KCNK9: variants seen among roughly 807,000 people sequenced by gnomAD.
The protein encoded by KCNK9 is potassium two pore domain channel subfamily K member 9, also known as potassium channel subfamily K member 9.
A neutral mutation model predicts 10.8 loss-of-function variants in KCNK9; 1 was observed. The observed-to-expected ratio is 0.09, with a 90% CI of 0.03 to 0.44. The LOEUF is 0.44. Ranked by LOEUF, KCNK9 falls within the 20% of genes least tolerant of loss-of-function variation. The probability of loss-of-function intolerance (pLI) is 0.97; values close to 1 mark genes in which losing one functional copy is unlikely to be tolerated. For missense variants in KCNK9, 303 were observed against 515.0 expected (o/e 0.59, Z 3.98); for synonymous variants, 231 against 222.7 (o/e 1.04, Z -0.33).
chr8:139,660,987 G>A (rs954544710), intron 1 of KCNK9, among the ~76,000 whole-genome samples: 8 of 152,122 alleles, frequency 5.3e-5, no homozygotes, highest in African/African-American at 1.9e-4. Flanking sequence ...GTACATCTTT[G>A]ACAGAAAAGC....
intron 1 of KCNK9, among the ~76,000 whole-genome samples, chr8:139,648,307 T>C (rs1287134405): frequency 6.6e-6 from 1 of 152,182 alleles, no homozygotes; most frequent in Non-Finnish European, 1.5e-5. Context: ...GGTATTACTT[T>C]GGAGCCGAAA....
At chr8:139,638,552 G>A (rs1815404158) in intron 1 of KCNK9, among the ~76,000 whole-genome samples, 2 of 152,210 alleles carry the variant, frequency 1.3e-5, no homozygotes, top group South Asian at 2.1e-4. Context: ...GGTGAGGAGA[G>A]GGGCACACGG....
intron 1 of KCNK9, among the ~76,000 whole-genome samples, chr8:139,658,775 G>A (rs1200752801): frequency 6.6e-6 from 1 of 152,258 alleles, no homozygotes; most frequent in Admixed American, 6.5e-5. Flanking sequence ...TCCAAGTGCA[G>A]GGCCAGTGTC....
At chr8:139,665,233 C>T (rs908923704) in intron 1 of KCNK9, among the ~76,000 whole-genome samples, 6 of 152,188 alleles carry the variant, frequency 3.9e-5, no homozygotes, top group African/African-American at 1.4e-4. Flanking sequence ...AGGTCACTCC[C>T]TGCTTTTTCC....
rs1057337725 is a variant in KCNK9 at position 139,688,396 on chromosome 8, C to A, written c.283+14314G>T. The stretch of plus-strand genomic sequence containing the variant: ...CTTACAATCGTGGTGGAAAGGGAAG[C>A]AGGCAACTTCTTCACAAGGTGGCAG... On this transcript the variant is annotated intron_variant, in intron 1 of 1. Transcript: ENST00000520439. Among the ~76,000 whole-genome samples, 7 of 152,200 alleles carry A rather than the reference C, an allele frequency of 4.6e-5. No homozygotes were observed. The East Asian group carries it at 1.3e-3, about 29-fold the overall frequency.
intron 2 of KCNK9, among the ~76,000 whole-genome samples, chr8:139,607,031 CAA>C (rs1814241280): frequency 6.6e-6 from 1 of 152,132 alleles, no homozygotes; most frequent in African/African-American, 2.4e-5. Flanking sequence ...GCTGAACAAA[CAA>C]ATATATAATT....
chr8:139,608,254 C>T (rs1586621713), downstream of KCNK9, among the ~76,000 whole-genome samples: 1 of 152,300 alleles, frequency 6.6e-6, no homozygotes, highest in East Asian at 1.9e-4. Context: ...TCCAGATTCC[C>T]TGCCAACCTG....
intron 1 of KCNK9, among the ~76,000 whole-genome samples, chr8:139,623,624 G>A (rs1426349464): frequency 2.0e-5 from 3 of 152,018 alleles, no homozygotes; most frequent in African/African-American, 7.3e-5. Flanking sequence ...TTCCCTCTAG[G>A]ACTCCAGGCT....
chr8:139,671,613 C>T (rs372498353), intron 1 of KCNK9, among the ~76,000 whole-genome samples: 8 of 151,544 alleles, frequency 5.3e-5, no homozygotes, highest in South Asian at 4.2e-4. Flanking sequence ...AGGGTTCAAG[C>T]GATAAGCGAT....
intron 1 of KCNK9, among the ~76,000 whole-genome samples, chr8:139,625,725 G>GA (rs113414842): frequency 0.13 from 18,179 of 136,912 alleles, 1,389 homozygotes; most frequent in East Asian, 0.33. Flanking sequence ...AACAAAACAG[G>GA]AAAAAAAAAA....
At chr8:139,646,094 C>T (rs1815668052) in intron 1 of KCNK9, among the ~76,000 whole-genome samples, 1 of 152,174 alleles carries the variant, frequency 6.6e-6, no homozygotes, top group Non-Finnish European at 1.5e-5. Flanking sequence ...CAGAAGGCTC[C>T]TTGCCCCTCT....
intron 1 of KCNK9, among the ~76,000 whole-genome samples, chr8:139,660,446 A>AT (rs36003916): frequency 0.25 from 31,069 of 124,596 alleles, 3,519 homozygotes; most frequent in African/African-American, 0.4. Flanking sequence ...TCTGCTAAAA[A>AT]AAAATATATA....
At chr8:139,700,100 G>A (rs980560169) in intron 1 of KCNK9, among the ~76,000 whole-genome samples, 5 of 152,096 alleles carry the variant, frequency 3.3e-5, no homozygotes, top group Admixed American at 3.3e-4. Context: ...AAAACAAACA[G>A]AATTAACTGG....
intron 1 of KCNK9, among the ~76,000 whole-genome samples, chr8:139,690,477 G>C (rs1191797108): frequency 2.0e-5 from 3 of 152,272 alleles, no homozygotes; most frequent in African/African-American, 7.2e-5. Context: ...GGTCATTTTG[G>C]CCTTTTATTT....
At chr8:139,610,693 T>C (rs984359194), downstream of KCNK9, among the ~76,000 whole-genome samples, 10 of 152,186 alleles carry the variant, frequency 6.6e-5, no homozygotes, top group African/African-American at 2.4e-4. Context: ...GACATCTAGA[T>C]GGATAGTGCC....
intron 1 of KCNK9, among the ~76,000 whole-genome samples, chr8:139,654,899 C>T (rs544362543): frequency 2.6e-5 from 4 of 151,760 alleles, no homozygotes; most frequent in East Asian, 1.9e-4. Flanking sequence ...AGAGAGTGGG[C>T]GGATAAATGG....
At chr8:139,615,453 A>G (rs1428899789), downstream of KCNK9, among the ~76,000 whole-genome samples, 1 of 152,178 alleles carries the variant, frequency 6.6e-6, no homozygotes, top group African/African-American at 2.4e-5. Context: ...CCCCACTCTG[A>G]GACCATTTCA....
downstream of KCNK9, among the ~76,000 whole-genome samples, chr8:139,614,465 C>T (rs1814520040): frequency 6.6e-6 from 1 of 152,192 alleles, no homozygotes; most frequent in African/African-American, 2.4e-5. Flanking sequence ...GCATTCCCCT[C>T]CCAATCAGCC....
chr8:139,620,483 A>G (rs1204363380), intron 1 of KCNK9, among the ~76,000 whole-genome samples: 1 of 151,858 alleles, frequency 6.6e-6, no homozygotes, highest in African/African-American at 2.4e-5. Context: ...GATACACAGT[A>G]GGGACCTACC....
Sources: gnomAD v4.1 joint callset for allele counts (sites outside exome capture counted in the v4.1 genomes callset) on GRCh38, gnomAD v4.1.1 for gene constraint, MANE v1.5 for transcripts, NCBI Gene and HGNC (gene_info 2026-07-23, HGNC 2026-07-21) for gene names.